The following FAT3 variants were observed in gnomAD, a reference collection of about 807,000 sequenced individuals.
FAT3 encodes the protein FAT atypical cadherin 3.
Under a neutral mutation model 310.2 loss-of-function variants are expected in FAT3, and 95 were observed. The observed-to-expected ratio is 0.31, with a 90% confidence interval of 0.26 to 0.36. The LOEUF is 0.36. Among genes scored for constraint, FAT3 ranks in the 10% least tolerant of loss-of-function variants. The pLI is 1.00. For synonymous variants in FAT3, 2,314 were observed against 2,192.9 expected (o/e 1.06, Z -1.54); for missense variants, 5,408 against 5,715.6 (o/e 0.95, Z 1.74).
At chr11:92,611,277 G>A (rs1407100230) in intron 3 of FAT3, among the ~76,000 whole-genome samples, 1 of 151,998 alleles carries the variant, frequency 6.6e-6, no homozygotes, top group African/African-American at 2.4e-5. Flanking sequence ...CATCTTGCCT[G>A]GCTAATTTCT....
intron 3 of FAT3, among the ~76,000 whole-genome samples, chr11:92,687,204 A>G (rs1209396011): frequency 6.6e-6 from 1 of 152,196 alleles, no homozygotes; most frequent in Non-Finnish European, 1.5e-5. Context: ...CCACTGTGCC[A>G]AGCACCTCAG....
chr11:92,409,494 GT>G (rs1193820664), intron 2 of FAT3, among the ~76,000 whole-genome samples: 2 of 152,078 alleles, frequency 1.3e-5, no homozygotes, highest in Non-Finnish European at 2.9e-5. Flanking sequence ...CAGTTTATCT[GT>G]GGAATTTCCT....
chr11:92,800,762 C>G lies in FAT3; in HGVS notation c.7749C>G (p.Phe2583Leu). Reference protein sequence around the residue: ...RALDGGGRTTFCTVRVIVVDE... With the variant: ...RALDGGGRTTLCTVRVIVVDE... ...TTGATGGTGGAGGGAGAACAACTTT[C>G]TGCACTGTGAGAGTGATTGTTGTGG... The change falls in exon 10 of 28, where the codon TTC (phenylalanine) becomes TTG (leucine). Residue 2583 changes from phenylalanine to leucine, a missense_variant. Around this residue, in one of 5 missense-constraint regions of FAT3, gnomAD observed 4,588 missense variants for 4,809.8 expected, o/e 0.95. Transcript: ENST00000525166. 2 of 1,613,924 alleles carry G rather than the reference C, an allele frequency of 1.2e-6. No individual in the cohort carries two copies. The highest frequency in any genetic ancestry group is 1.7e-6 in the Non-Finnish European group (2 of 1,179,880).
At chr11:92,695,841 G>A (rs1440838771) in intron 3 of FAT3, among the ~76,000 whole-genome samples, 1 of 152,124 alleles carries the variant, frequency 6.6e-6, no homozygotes, top group Non-Finnish European at 1.5e-5. Flanking sequence ...TTATATGAGG[G>A]CAGAGCAGAT....
At chr11:92,226,808 C>T (rs1486784656) in intron 1 of FAT3, among the ~76,000 whole-genome samples, 1 of 152,150 alleles carries the variant, frequency 6.6e-6, no homozygotes, top group Non-Finnish European at 1.5e-5. Flanking sequence ...TGGGACTCAG[C>T]TTCGGGTTTG....
chr11:92,511,607 T>C (rs1953293586), intron 2 of FAT3, among the ~76,000 whole-genome samples: 1 of 152,080 alleles, frequency 6.6e-6, no homozygotes, highest in African/African-American at 2.4e-5. Flanking sequence ...GGGACAGAAA[T>C]AAAGTGCTAA....
intron 3 of FAT3, among the ~76,000 whole-genome samples, chr11:92,605,512 A>G (rs577620574): frequency 6.6e-6 from 1 of 152,268 alleles, no homozygotes; most frequent in South Asian, 2.1e-4. Flanking sequence ...ATATAAGCAT[A>G]CACATTAGTA....
At chr11:92,327,849 T>C (rs1947806987) in intron 1 of FAT3, among the ~76,000 whole-genome samples, 1 of 152,210 alleles carries the variant, frequency 6.6e-6, no homozygotes, top group South Asian at 2.1e-4. Context: ...TATTCTCACT[T>C]TGGAGTGCAG....
At chr11:92,412,732 T>TATATATACATACAC (rs1565296340) in intron 2 of FAT3, among the ~76,000 whole-genome samples, 8 of 17,946 alleles carry the variant, frequency 4.5e-4, no homozygotes, top group East Asian at 2.1e-3. Context: ...TATATATATA[T>TATATATACATACAC]ATATATATAT....
chr11:92,547,277 A>G (rs1242884979), intron 3 of FAT3, among the ~76,000 whole-genome samples: 1 of 152,176 alleles, frequency 6.6e-6, no homozygotes, highest in African/African-American at 2.4e-5. Flanking sequence ...GCCATATTGC[A>G]TTCTTCAAGA....
intron 2 of FAT3, among the ~76,000 whole-genome samples, chr11:92,486,129 G>GTTTT (rs1565353395): frequency 3.6e-5 from 1 of 27,684 alleles, no homozygotes; most frequent in African/African-American, 8.5e-5. Context: ...AGGCTGCTGG[G>GTTTT]GTTTTTTTTT....
Position 92,867,206 on chromosome 11 carries a change from G to C in FAT3, c.12124G>C (p.Gly4042Arg), listed in dbSNP as rs769677166. The C allele has an allele frequency of 9.6e-6, 15 of 1,568,066 alleles. No homozygotes were observed. In the Admixed American group the frequency reaches 2.7e-4, roughly 29 times the overall value. ...HGGSCTGLPS[G>R]GYQCTCLSQF... ...GGGCAGCTGCACTGGCCTGCCATCG[G>C]GGGGTGAGTGTGGCTACGCAGTGGG... Residue 4042 changes from glycine to arginine, a missense_variant, in exon 22 of 28, where the codon GGG (glycine) becomes CGG (arginine). Gly to Arg is a moderately radical substitution (Grantham distance 125). Transcript: ENST00000525166.
intron 2 of FAT3, among the ~76,000 whole-genome samples, chr11:92,368,877 T>TAC (rs1355325596): frequency 7.4e-6 from 1 of 134,878 alleles, no homozygotes; most frequent in Admixed American, 7.1e-5. Flanking sequence ...TATACACACA[T>TAC]ATACACATAT....
intron 1 of FAT3, among the ~76,000 whole-genome samples, chr11:92,318,082 T>C (rs1947513186): frequency 6.6e-6 from 1 of 152,200 alleles, no homozygotes. Flanking sequence ...TTTTGTAAAG[T>C]ACTTTGCAGA....
intron 3 of FAT3, among the ~76,000 whole-genome samples, chr11:92,569,766 T>C (rs567059395): frequency 6.6e-6 from 1 of 152,286 alleles, no homozygotes; most frequent in South Asian, 2.1e-4. Context: ...ATTTTGCATA[T>C]TTAGTAGAGC....
chr11:92,431,267 A>G (rs1307760640), intron 2 of FAT3, among the ~76,000 whole-genome samples: 8 of 152,180 alleles, frequency 5.3e-5, no homozygotes, highest in Non-Finnish European at 7.3e-5. Context: ...GCCAGTGATG[A>G]TGAGCATTTT....
rs2136290497 is a variant in FAT3 at position 92,844,164 on chromosome 11, C to T, written c.10797C>T (p.Asn3599=). The T allele has an allele frequency of 1.2e-6, 2 of 1,614,020 alleles. No individual in the cohort carries two copies. Among genetic ancestry groups the T allele is most frequent in the Non-Finnish European group, 1.7e-6 (2 of 1,179,900 alleles). The change falls in exon 19 of 28, where the codon AAC becomes AAT. Residue 3599 remains asparagine, a synonymous_variant. Transcript: ENST00000525166. The part of the protein sequence containing the change: ...KSEQKSLFKV[N]SHDGKIIALG... ...AGCAGAAAAGCTTATTTAAAGTGAACAGTCACGATGGGAAAATCATCGCCC... is the reference window on the plus strand; with the variant it reads ...AGCAGAAAAGCTTATTTAAAGTGAATAGTCACGATGGGAAAATCATCGCCC...
intron 2 of FAT3, among the ~76,000 whole-genome samples, chr11:92,431,155 C>A (rs1950762811): frequency 6.6e-6 from 1 of 152,334 alleles, no homozygotes; most frequent in South Asian, 2.1e-4. Flanking sequence ...TATTTCTCCA[C>A]ATCCTCTCCA....
intron 1 of FAT3, among the ~76,000 whole-genome samples, chr11:92,281,329 C>T (rs1946415275): frequency 6.6e-6 from 1 of 152,044 alleles, no homozygotes; most frequent in South Asian, 2.1e-4. Context: ...ATTTTTATAT[C>T]TTTATATTTA....
Sources: gnomAD v4.1 joint callset for allele counts (sites outside exome capture counted in the v4.1 genomes callset) on GRCh38, gnomAD v4.1.1 for gene constraint, gnomAD v4.1.1 regional missense constraint, MANE v1.5 for transcripts, NCBI Gene and HGNC (gene_info 2026-07-23, HGNC 2026-07-21) for gene names.